Variants in INTS12 observed in about 807,000 individuals in gnomAD.
INTS12 encodes the protein integrator complex subunit 12.
A neutral mutation model predicts 41.6 loss-of-function variants in INTS12; 13 were observed. That is an observed-to-expected ratio of 0.31 (90% CI 0.20 to 0.50). The LOEUF (loss-of-function observed/expected upper bound fraction) is 0.50. INTS12 is among the 20% of genes least tolerant of loss of function. The probability of loss-of-function intolerance (pLI) is 0.98; values close to 1 mark genes in which losing one functional copy is unlikely to be tolerated. For synonymous variants in INTS12, 199 were observed against 191.4 expected (o/e 1.04, Z -0.33); for missense variants, 432 against 541.6 (o/e 0.80, Z 2.01).
At chr4:105,684,357 G>C (rs1338625951) in intron 7 of INTS12, among the ~76,000 whole-genome samples, 1 of 151,796 alleles carries the variant, frequency 6.6e-6, no homozygotes, top group African/African-American at 2.4e-5. Context: ...TCACATATAG[G>C]TAAAAGATAA....
At chr4:105,691,790 C>G (rs1455103196) in intron 6 of INTS12, among the ~76,000 whole-genome samples, 186 bp downstream of exon 6, 1 of 152,116 alleles carries the variant, frequency 6.6e-6, no homozygotes, top group Non-Finnish European at 1.5e-5. Context: ...GAAAAATGCA[C>G]ATAACATGGT....
At position 105,682,789 on chromosome 4, in the gene INTS12, T is replaced by C. The variant is rs751457421; in HGVS notation, c.1333A>G (p.Met445Val). Residue 445 changes from methionine to valine, a missense_variant, in exon 8 of 8, where the codon ATG becomes GTG. Met to Val is a conservative substitution (Grantham distance 21). Transcript: ENST00000340139. The stretch of plus-strand genomic sequence containing the variant: ...TTCTTGACCATCTGTAATCGCTTCA[T>C]AGCATTGAGCTGTGATTCTTGTGAA... ...PTSQESQLNA[M>V]KRLQMVKKKA... The C allele has an allele frequency of 6.2e-7, 1 of 1,614,112 alleles. No homozygotes were observed.
chr4:105,699,625 A>G (rs1355527324), intron 3 of INTS12, among the ~76,000 whole-genome samples: 1 of 152,226 alleles, frequency 6.6e-6, no homozygotes, highest in Non-Finnish European at 1.5e-5. Flanking sequence ...TCATATACAC[A>G]TAAAGTAGTA....
At chr4:105,706,970 A>C (rs1445872479) in intron 1 of INTS12, among the ~76,000 whole-genome samples, 3 of 152,148 alleles carry the variant, frequency 2.0e-5, no homozygotes, top group Non-Finnish European at 4.4e-5. Flanking sequence ...TAAAAAAAAA[A>C]ATTCTTGCTG....
intron 1 of INTS12, among the ~76,000 whole-genome samples, chr4:105,704,873 A>G (rs1418612526): frequency 6.6e-6 from 1 of 152,072 alleles, no homozygotes; most frequent in Non-Finnish European, 1.5e-5. Context: ...CACCCTTTTC[A>G]ATCCTTACTA....
intron 3 of INTS12, among the ~76,000 whole-genome samples, chr4:105,696,494 A>G (rs568727535): frequency 2.6e-5 from 4 of 152,276 alleles, no homozygotes; most frequent in African/African-American, 9.6e-5. Flanking sequence ...TCTACTCAGC[A>G]TATTTATTTT....
intron 2 of INTS12, chr4:105,702,988 A>G: frequency 1.0e-6 from 1 of 985,266 alleles, no homozygotes; most frequent in Non-Finnish European, 1.2e-6. Context: ...TACAGCAGTC[A>G]TAAAGAGGTC....
At chr4:105,704,898 C>G (rs1054026452) in intron 1 of INTS12, among the ~76,000 whole-genome samples, 5 of 152,184 alleles carry the variant, frequency 3.3e-5, no homozygotes, top group African/African-American at 1.2e-4. Flanking sequence ...CACCCTAGAC[C>G]AACCTAGCAT....
At chr4:105,686,157 G>A (rs113721485) in intron 7 of INTS12, among the ~76,000 whole-genome samples, 3,465 of 152,220 alleles carry the variant, frequency 0.023, 45 homozygotes, top group Middle Eastern at 0.051. Flanking sequence ...TCGCCTCTGG[G>A]GTTCAAGCGA....
At chr4:105,692,686 G>A (rs536724312) in intron 5 of INTS12, among the ~76,000 whole-genome samples, 12 of 152,062 alleles carry the variant, frequency 7.9e-5, no homozygotes, top group Middle Eastern at 6.8e-3. Flanking sequence ...CTATTTTCTC[G>A]TCATTTCTCG....
chr4:105,705,115 G>A lies in INTS12; in HGVS notation c.-171-1306C>T, dbSNP rs138639452. Among the ~76,000 whole-genome samples, 827 of 152,270 alleles carry A rather than the reference G, an allele frequency of 5.4e-3. 6 individuals carry two copies. Among genetic ancestry groups the A allele is most frequent in the African/African-American group, 0.019 (788 of 41,538 alleles). Reference sequence around the variant, plus strand: ...CTTCAGGCCATGCAGCAGGAGGTGAGCAGTAGGCAAGCGAGGGAAGCTTCA... The same window carrying A: ...CTTCAGGCCATGCAGCAGGAGGTGAACAGTAGGCAAGCGAGGGAAGCTTCA... On this transcript the variant is annotated intron_variant, in intron 1 of 7. Transcript: ENST00000340139.
intron 2 of INTS12, among the ~76,000 whole-genome samples, chr4:105,701,528 G>A (rs929530260): frequency 3.9e-5 from 6 of 151,954 alleles, no homozygotes; most frequent in Non-Finnish European, 8.8e-5. Flanking sequence ...TCATGGGGCT[G>A]GTCACCATGT....
intron 6 of INTS12, among the ~76,000 whole-genome samples, chr4:105,687,544 T>C (rs1432593044): frequency 6.6e-6 from 1 of 152,264 alleles, no homozygotes; most frequent in Non-Finnish European, 1.5e-5. Flanking sequence ...TAATCATTTT[T>C]GAGTTTATTT....
intron 7 of INTS12, 62 bp from the exon 8 acceptor site, chr4:105,683,379 C>T: frequency 1.7e-6 from 2 of 1,193,218 alleles, no homozygotes; most frequent in Non-Finnish European, 2.3e-6. Flanking sequence ...GTATAAACAT[C>T]CCAAGTTATG....
intron 7 of INTS12, among the ~76,000 whole-genome samples, chr4:105,683,652 C>T (rs1025221269): frequency 1.1e-4 from 17 of 152,092 alleles, no homozygotes; most frequent in African/African-American, 3.9e-4. Flanking sequence ...AAAGTATTAT[C>T]GACCTTAGTT....
intron 1 of INTS12, among the ~76,000 whole-genome samples, chr4:105,707,002 C>T (rs1341076970): frequency 6.6e-6 from 1 of 152,136 alleles, no homozygotes; most frequent in Non-Finnish European, 1.5e-5. Context: ...CTTTCTACCA[C>T]CTTCGAAATA....
Position 105,682,630 on chromosome 4 carries a change from G to A in INTS12, c.*103C>T. 2 of 846,354 alleles carry A rather than the reference G, an allele frequency of 2.4e-6. No homozygotes were observed. Among genetic ancestry groups the A allele is most frequent in the Middle Eastern group, 5.3e-4 (2 of 3,748 alleles). 52.4% of individuals were successfully genotyped at this position (846,354 alleles called of 1,614,324 possible). On this transcript the variant is annotated 3_prime_UTR_variant, in exon 8 of 8. Coordinates refer to ENST00000340139, the MANE Select transcript of INTS12 (RefSeq NM_020395.4). ...TTAAGGTAAGAAACAATAGAAATTTGATTATGAAGACTTTTATTAAATTAC... is the reference window on the plus strand; with the variant it reads ...TTAAGGTAAGAAACAATAGAAATTTAATTATGAAGACTTTTATTAAATTAC...
intron 1 of INTS12, chr4:105,707,870 T>C: frequency 1.4e-6 from 1 of 705,066 alleles, no homozygotes; most frequent in Non-Finnish European, 1.7e-6. Context: ...TGGGCATTCA[T>C]ATATAAATAT....
intron 1 of INTS12, chr4:105,707,889 G>T: frequency 1.2e-6 from 1 of 838,808 alleles, no homozygotes; most frequent in Non-Finnish European, 1.4e-6. Context: ...ATAAGTATGT[G>T]CTTTCTCCTA....
Sources: gnomAD v4.1 joint callset for allele counts (sites outside exome capture counted in the v4.1 genomes callset) on GRCh38, gnomAD v4.1.1 for gene constraint, MANE v1.5 for transcripts, NCBI Gene and HGNC (gene_info 2026-07-23, HGNC 2026-07-21) for gene names.